Variants in PITPNC1 observed in about 807,000 individuals in gnomAD.
PITPNC1 encodes the protein cytoplasmic phosphatidylinositol transfer protein 1.
In PITPNC1, 18 loss-of-function variants were observed where a neutral mutation model predicts 44.7. That is an observed-to-expected ratio of 0.40 (90% CI 0.28 to 0.60). The LOEUF is 0.60. Among genes scored for constraint, PITPNC1 ranks in the 20% least tolerant of loss-of-function variants. The probability of loss-of-function intolerance (pLI) is 0.39; values close to 1 mark genes in which losing one functional copy is unlikely to be tolerated. For missense variants in PITPNC1, 290 were observed against 418.4 expected (o/e 0.69, Z 2.68); for synonymous variants, 141 against 149.6 (o/e 0.94, Z 0.42).
intron 1 of PITPNC1, among the ~76,000 whole-genome samples, chr17:67,425,662 G>C (rs1229243933): frequency 2.6e-5 from 4 of 151,214 alleles, no homozygotes; most frequent in Non-Finnish European, 5.9e-5. Flanking sequence ...GCTGGGACCA[G>C]AGGCACACAC....
chr17:67,484,000 C>A (rs867890006), intron 1 of PITPNC1, among the ~76,000 whole-genome samples: 2 of 150,642 alleles, frequency 1.3e-5, no homozygotes, highest in Middle Eastern at 3.4e-3. Context: ...CTCACTGCAA[C>A]CTCCACCTCC....
At chr17:67,610,539 C>T (rs569072352) in intron 5 of PITPNC1, among the ~76,000 whole-genome samples, 7 of 152,206 alleles carry the variant, frequency 4.6e-5, no homozygotes, top group Non-Finnish European at 1.0e-4. Flanking sequence ...CACACATCAG[C>T]ATTTTGGGAG....
chr17:67,662,604 C>G (rs886099988), intron 6 of PITPNC1, among the ~76,000 whole-genome samples: 1 of 152,136 alleles, frequency 6.6e-6, no homozygotes, highest in Non-Finnish European at 1.5e-5. Flanking sequence ...CTTCCCCCAG[C>G]TTTAGGCAAC....
At chr17:67,684,122 T>TTC (rs1256226248) in intron 8 of PITPNC1, among the ~76,000 whole-genome samples, 1 of 147,734 alleles carries the variant, frequency 6.8e-6, no homozygotes, top group Non-Finnish European at 1.5e-5. Flanking sequence ...AATTTTTTTT[T>TTC]TTTTTTTGAG....
intron 1 of PITPNC1, among the ~76,000 whole-genome samples, chr17:67,408,191 C>T (rs917651610): frequency 6.6e-6 from 1 of 152,090 alleles, no homozygotes; most frequent in African/African-American, 2.4e-5. Flanking sequence ...TGAGCTCAGG[C>T]AGTCCACCCA....
intron 5 of PITPNC1, among the ~76,000 whole-genome samples, chr17:67,617,310 A>G (rs2041772355): frequency 6.6e-6 from 1 of 152,222 alleles, no homozygotes; most frequent in Admixed American, 6.5e-5. Context: ...GTTTGAGACT[A>G]GCCTGGCCAC....
intron 1 of PITPNC1, among the ~76,000 whole-genome samples, chr17:67,378,403 G>A (rs1410275745): frequency 1.3e-5 from 2 of 152,152 alleles, no homozygotes; most frequent in African/African-American, 4.8e-5. Context: ...TGGGTGGGGC[G>A]GCGGACTCCG....
chr17:67,691,762 T>C (rs565826860), intron 8 of PITPNC1, among the ~76,000 whole-genome samples: 3 of 152,232 alleles, frequency 2.0e-5, no homozygotes, highest in Admixed American at 2.0e-4. Context: ...TCCCAACACT[T>C]TGGGAGGCTT....
At chr17:67,649,358 G>A (rs1322627865) in intron 6 of PITPNC1, among the ~76,000 whole-genome samples, 1 of 152,240 alleles carries the variant, frequency 6.6e-6, no homozygotes, top group Non-Finnish European at 1.5e-5. Flanking sequence ...GGAACCATGG[G>A]AGTGTGAGCT....
At chr17:67,411,376 G>A (rs1027822138) in intron 1 of PITPNC1, among the ~76,000 whole-genome samples, 1 of 152,110 alleles carries the variant, frequency 6.6e-6, no homozygotes, top group Non-Finnish European at 1.5e-5. Context: ...CCTGGAAAGC[G>A]CAGCACATAG....
chr17:67,666,543 A>G (rs907804977), intron 6 of PITPNC1, among the ~76,000 whole-genome samples: 1 of 152,212 alleles, frequency 6.6e-6, no homozygotes. Flanking sequence ...CCTTCCTGCC[A>G]GGGCATATTA....
At chr17:67,679,846 A>G (rs2042671047) in intron 8 of PITPNC1, among the ~76,000 whole-genome samples, 1 of 152,226 alleles carries the variant, frequency 6.6e-6, no homozygotes, top group Non-Finnish European at 1.5e-5. Flanking sequence ...GGTGGATAAA[A>G]ATAGGCAGCC....
chr17:67,535,592 T>C (rs1368539773), intron 2 of PITPNC1, among the ~76,000 whole-genome samples: 4 of 152,166 alleles, frequency 2.6e-5, no homozygotes, highest in South Asian at 2.1e-4. Context: ...AGAAGAGTAA[T>C]AAACATTAGT....
At chr17:67,537,515 A>G (rs183363393) in intron 2 of PITPNC1, among the ~76,000 whole-genome samples, 185 of 152,362 alleles carry the variant, frequency 1.2e-3, no homozygotes, top group African/African-American at 4.1e-3. Flanking sequence ...CATTTTGGAG[A>G]AAAACATAAA....
chr17:67,406,077 G>A (rs1315457589), intron 1 of PITPNC1, among the ~76,000 whole-genome samples: 2 of 152,088 alleles, frequency 1.3e-5, no homozygotes, highest in Non-Finnish European at 2.9e-5. Flanking sequence ...CAGATCCCTA[G>A]TTTTTAGTAT....
intron 5 of PITPNC1, among the ~76,000 whole-genome samples, chr17:67,578,757 A>C (rs2041185551): frequency 6.6e-6 from 1 of 152,210 alleles, no homozygotes; most frequent in East Asian, 1.9e-4. Flanking sequence ...TGAGGCAGGC[A>C]CATCACCTGA....
chr17:67,689,019 A>T (rs887500597), intron 8 of PITPNC1, among the ~76,000 whole-genome samples: 1 of 152,176 alleles, frequency 6.6e-6, no homozygotes, highest in Admixed American at 6.5e-5. Context: ...CCTGACCAAC[A>T]TGAAGAAACC....
At chr17:67,403,473 A>G (rs2038352853) in intron 1 of PITPNC1, among the ~76,000 whole-genome samples, 1 of 152,230 alleles carries the variant, frequency 6.6e-6, no homozygotes, top group African/African-American at 2.4e-5. Flanking sequence ...GTGTATAAAC[A>G]TTTAATCATA....
intron 1 of PITPNC1, among the ~76,000 whole-genome samples, chr17:67,511,460 C>T: frequency 6.6e-6 from 1 of 152,174 alleles, no homozygotes; most frequent in East Asian, 1.9e-4. Flanking sequence ...TGTTCTTCCA[C>T]CACATTGTGG....
Sources: allele counts gnomAD v4.1 joint callset (sites outside exome capture counted in the v4.1 genomes callset), GRCh38; gene constraint gnomAD v4.1.1; transcripts MANE v1.5; gene names NCBI Gene and HGNC (gene_info 2026-07-23, HGNC 2026-07-21).